Variants in CCDC34 observed in about 807,000 individuals in gnomAD.
The protein encoded by CCDC34 is coiled-coil domain containing 34.
In CCDC34, 40 loss-of-function variants were observed where a neutral mutation model predicts 44.1. The ratio of observed to expected loss-of-function variants is 0.91; its 90% CI spans 0.70 to 1.18. CCDC34 has a LOEUF of 1.18. CCDC34 is among the 50% of genes most tolerant of loss of function. CCDC34 has a pLI of 0.00. For missense variants in CCDC34, 466 were observed against 452.3 expected (o/e 1.03, Z -0.28); for synonymous variants, 159 against 158.2 (o/e 1.01, Z -0.04).
intron 3 of CCDC34, among the ~76,000 whole-genome samples, chr11:27,342,765 GA>G (rs550711657): frequency 6.6e-6 from 1 of 150,850 alleles, no homozygotes; most frequent in South Asian, 2.1e-4. Context: ...GCCCTTTATA[GA>G]AAAAAAAATA....
At chr11:27,347,332 T>G (rs1343073634) in intron 3 of CCDC34, among the ~76,000 whole-genome samples, 1 of 152,166 alleles carries the variant, frequency 6.6e-6, no homozygotes, top group Non-Finnish European at 1.5e-5. Flanking sequence ...AACACATACT[T>G]ACCATATAGC....
At chr11:27,362,695 C>CAA (rs75897350) in intron 1 of CCDC34, 141 bp downstream of exon 1, 215 of 887,332 alleles carry the variant, frequency 2.4e-4, no homozygotes, top group East Asian at 5.0e-4. Context: ...TCTTTATGTG[C>CAA]AAAAAAAACC....
chr11:27,338,886 A>G lies in CCDC34; in HGVS notation c.1057T>C (p.Ser353Pro). The change falls in exon 6 of 6, where the codon TCT (serine) becomes CCT (proline). Residue 353 changes from serine (S) to proline (P), a missense_variant. Ser to Pro is a moderately conservative substitution (Grantham distance 74). Transcript: ENST00000328697. ...PVISQPHKSS[S>P]LVIHKARSNL... The stretch of plus-strand genomic sequence containing the variant: ...CTCCTGGCTTTATGAATTACCAGAG[A>G]TGATGACTTGTGTGGCTGACTTATC... 4.3e-6 allele frequency: 7 copies of G among 1,613,944 alleles called. No individual in the cohort carries two copies. Among genetic ancestry groups the G allele is most frequent in the Non-Finnish European group, 5.9e-6 (7 of 1,179,920 alleles).
chr11:27,343,779 G>A (rs910985983), intron 3 of CCDC34, among the ~76,000 whole-genome samples: 36 of 152,078 alleles, frequency 2.4e-4, no homozygotes, highest in African/African-American at 8.2e-4. Flanking sequence ...ATCATGATGT[G>A]AGGTAGATAC....
chr11:27,345,172 T>A (rs557725747), intron 3 of CCDC34, among the ~76,000 whole-genome samples: 2 of 152,338 alleles, frequency 1.3e-5, no homozygotes, highest in East Asian at 3.9e-4. Context: ...ATGCATACTA[T>A]ACATTAAAAT....
At position 27,357,561 on chromosome 11, in the gene CCDC34, A is replaced by T; in HGVS notation, c.360-20T>A. Reference sequence around the variant, plus strand: ...TGAGTGCTACAAAAGAGAGGCTACTATAGTACTTGTACAAGAACCTCTTTT... The same window carrying T: ...TGAGTGCTACAAAAGAGAGGCTACTTTAGTACTTGTACAAGAACCTCTTTT... On this transcript the variant is annotated intron_variant, in intron 1 of 5. Transcript: ENST00000328697. 6.2e-7 allele frequency: 1 copy of T among 1,608,300 alleles called. No homozygotes were observed. The highest frequency in any genetic ancestry group is 8.5e-7 in the Non-Finnish European group (1 of 1,176,860).
chr11:27,354,187 A>G (rs1421902762), intron 2 of CCDC34, among the ~76,000 whole-genome samples: 1 of 152,212 alleles, frequency 6.6e-6, no homozygotes, highest in African/African-American at 2.4e-5. Flanking sequence ...GTCATGCTAA[A>G]ACTGAATCAC....
Position 27,363,126 on chromosome 11 carries a change from TCTGCAGTCAGCAGAG to T in CCDC34, c.54_68del (p.Phe18_Arg23delinsLeu). On this transcript the variant is annotated inframe_deletion, in exon 1 of 6. Coordinates refer to ENST00000328697, the MANE Select transcript of CCDC34 (RefSeq NM_030771.2). ...AGTCCGAGGAGGGCCGAGACCTGGG[TCTGCAGTCAGCAGAG>T]AAACCGGCGTAGGAAGAGGGAAAAG... The T allele has an allele frequency of 6.4e-7, 1 of 1,563,188 alleles. No individual in the cohort carries two copies.
intron 3 of CCDC34, among the ~76,000 whole-genome samples, chr11:27,341,787 C>T (rs761777844): frequency 4.6e-5 from 7 of 152,134 alleles, no homozygotes; most frequent in African/African-American, 7.2e-5. Flanking sequence ...AGATCTTGCT[C>T]ACCAATGTCC....
intron 2 of CCDC34, among the ~76,000 whole-genome samples, chr11:27,352,775 T>C (rs539384981): frequency 6.6e-6 from 1 of 152,350 alleles, no homozygotes; most frequent in South Asian, 2.1e-4. Context: ...TTAATGTTGA[T>C]TGAAGGGTTA....
intron 1 of CCDC34, among the ~76,000 whole-genome samples, chr11:27,361,964 T>G (rs1012179751): frequency 1.3e-5 from 2 of 152,174 alleles, no homozygotes; most frequent in Admixed American, 6.5e-5. Flanking sequence ...TGCTCCTACT[T>G]CTGTATACCC....
At chr11:27,348,216 C>T (rs763812939) in intron 3 of CCDC34, among the ~76,000 whole-genome samples, 1 of 152,182 alleles carries the variant, frequency 6.6e-6, no homozygotes, top group African/African-American at 2.4e-5. Context: ...AATAGTGCCT[C>T]GCACACAGTA....
intron 2 of CCDC34, among the ~76,000 whole-genome samples, chr11:27,351,958 T>C (rs1186165545): frequency 6.6e-6 from 1 of 152,068 alleles, no homozygotes; most frequent in African/African-American, 2.4e-5. Context: ...GAAACAAGAA[T>C]ACCCGGCAAA....
At chr11:27,356,008 A>ATT (rs34146389) in intron 2 of CCDC34, among the ~76,000 whole-genome samples, 6,527 of 69,372 alleles carry the variant, frequency 0.094, 883 homozygotes, top group Non-Finnish European at 0.11. Context: ...TGTTCCCAGG[A>ATT]TTTTTTTTTT....
rs772307472 is a variant in CCDC34, at chr11:27,350,397, G to C, written c.541C>G (p.Arg181Gly). 6.2e-7 allele frequency: 1 copy of C among 1,609,740 alleles called. No homozygotes were observed. The highest frequency in any genetic ancestry group is 8.5e-7 in the Non-Finnish European group (1 of 1,177,824). The change falls in exon 3 of 6, where the codon CGT becomes GGT. Residue 181 changes from arginine to glycine, a missense_variant. Transcript: ENST00000328697. ...TCAGCAATTATCTTTCTTTTTTCACGTTCTTCCATTTCTTTTCTTTTTTCT... is the reference window on the plus strand; with the variant it reads ...TCAGCAATTATCTTTCTTTTTTCACCTTCTTCCATTTCTTTTCTTTTTTCT... ...QLEKRKEMEE[R>G]EKRKIIAEEK... is the part of the protein sequence containing the mutation.
chr11:27,360,883 G>A (rs936770969), intron 1 of CCDC34, among the ~76,000 whole-genome samples: 3 of 152,322 alleles, frequency 2.0e-5, no homozygotes, highest in Non-Finnish European at 2.9e-5. Context: ...GATAGGATCT[G>A]AGCATGCACA....
intron 2 of CCDC34, among the ~76,000 whole-genome samples, chr11:27,353,291 A>G (rs945176254): frequency 6.6e-6 from 1 of 152,072 alleles, no homozygotes; most frequent in East Asian, 1.9e-4. Flanking sequence ...GCTAATGAAT[A>G]AAATGGCCAA....
chr11:27,344,903 A>C (rs1862411696), intron 3 of CCDC34, among the ~76,000 whole-genome samples: 1 of 152,174 alleles, frequency 6.6e-6, no homozygotes, highest in Admixed American at 6.5e-5. Context: ...AAAAGAATTG[A>C]AGACCTGGAG....
chr11:27,358,527 C>T (rs1862611403), intron 1 of CCDC34, among the ~76,000 whole-genome samples: 1 of 152,172 alleles, frequency 6.6e-6, no homozygotes, highest in African/African-American at 2.4e-5. Flanking sequence ...TTATTTTCTG[C>T]TACTATTATT....
Sources: gnomAD v4.1 joint callset for allele counts (sites outside exome capture counted in the v4.1 genomes callset) on GRCh38, gnomAD v4.1.1 for gene constraint, MANE v1.5 for transcripts, NCBI Gene and HGNC (gene_info 2026-07-23, HGNC 2026-07-21) for gene names.